Variants in DENND4C observed in about 807,000 individuals in gnomAD.
DENND4C encodes the protein DENN domain containing 4C.
In DENND4C, 108 loss-of-function variants were observed where a neutral mutation model predicts 203.0. The ratio of observed to expected loss-of-function variants is 0.53; its 90% CI spans 0.46 to 0.62. The LOEUF (loss-of-function observed/expected upper bound fraction) is 0.62. DENND4C is among the 20% of genes least tolerant of loss of function. The probability of loss-of-function intolerance (pLI) is 0.00; values close to 1 mark genes in which losing one functional copy is unlikely to be tolerated. For synonymous variants in DENND4C, 871 were observed against 792.4 expected, an observed-to-expected ratio of 1.10 and a Z score of -1.67; for missense variants, 2,481 against 2,301.2, an observed-to-expected ratio of 1.08 and a Z score of -1.60.
intron 1 of DENND4C, among the ~76,000 whole-genome samples, chr9:19,250,326 C>G (rs1032896483): frequency 6.6e-6 from 1 of 152,130 alleles, no homozygotes; most frequent in African/African-American, 2.4e-5. Context: ...CACCTGTAAT[C>G]CCAGCTACAT....
Position 19,326,046 on chromosome 9 carries a change from A to G in DENND4C, c.1990-18A>G, listed in dbSNP as rs1817765635. ...TTGTTTGTATGCAAATTAATTGGGG[A>G]AAAATAATGATTTTCAGGTTGATTT... On this transcript the variant is annotated intron_variant, in intron 14 of 32. Transcript: ENST00000434457. 1.2e-6 allele frequency: 2 copies of G among 1,606,676 alleles called. No homozygotes were observed. Among genetic ancestry groups the G allele is most frequent in the Non-Finnish European group, 1.7e-6 (2 of 1,177,800 alleles).
chr9:19,356,788 T>TGTGAGAGAGAGA (rs1266119304), intron 26 of DENND4C, among the ~76,000 whole-genome samples, 184 bp from the exon 27 acceptor site: 135 of 140,350 alleles, frequency 9.6e-4, no homozygotes, highest in African/African-American at 2.9e-3. Context: ...TGTGTGTGTG[T>TGTGAGAGAGAGA]GAGAGAGAGA....
intron 10 of DENND4C, among the ~76,000 whole-genome samples, chr9:19,310,956 C>T (rs1487833091): frequency 6.6e-6 from 1 of 152,058 alleles, no homozygotes; most frequent in Non-Finnish European, 1.5e-5. Context: ...AAGATAATTG[C>T]ATTGATGTTC....
intron 1 of DENND4C, among the ~76,000 whole-genome samples, chr9:19,237,412 C>T (rs1020991965): frequency 2.0e-5 from 3 of 151,948 alleles, no homozygotes; most frequent in Non-Finnish European, 4.4e-5. Flanking sequence ...AGTGTAGTGG[C>T]GTGATCTCGG....
chr9:19,301,568 T>C (rs1838583420), intron 9 of DENND4C, among the ~76,000 whole-genome samples: 2 of 152,174 alleles, frequency 1.3e-5, no homozygotes, highest in African/African-American at 4.8e-5. Context: ...CTTTTCCAAG[T>C]CATCACAGTT....
chr9:19,245,106 G>A (rs1441453689), intron 1 of DENND4C, among the ~76,000 whole-genome samples: 9 of 152,292 alleles, frequency 5.9e-5, no homozygotes, highest in African/African-American at 1.9e-4. Context: ...TAAATGGGCA[G>A]CTTAAAAAAT....
intron 1 of DENND4C, among the ~76,000 whole-genome samples, chr9:19,239,566 A>G (rs1823160285): frequency 6.6e-6 from 1 of 152,004 alleles, no homozygotes; most frequent in Non-Finnish European, 1.5e-5. Flanking sequence ...TACTCACTGC[A>G]ACCTCCACCT....
At chr9:19,286,651 T>G in intron 2 of DENND4C, 118 bp from the exon 3 acceptor site, 1 of 1,018,524 alleles carries the variant, frequency 9.8e-7, no homozygotes, top group Non-Finnish European at 1.3e-6. Context: ...CAAAAAAATT[T>G]TCTTTGATTT....
At chr9:19,265,278 A>G (rs930837409) in intron 1 of DENND4C, among the ~76,000 whole-genome samples, 2 of 152,028 alleles carry the variant, frequency 1.3e-5, no homozygotes, top group Non-Finnish European at 2.9e-5. Flanking sequence ...TGCTCTCCCA[A>G]AATGCTGGGA....
intron 10 of DENND4C, among the ~76,000 whole-genome samples, chr9:19,307,877 C>A (rs966896975): frequency 6.6e-6 from 1 of 151,898 alleles, no homozygotes; most frequent in African/African-American, 2.4e-5. Context: ...CAGATCCAAC[C>A]ATCATCTTGG....
chr9:19,336,354 G>C lies in DENND4C; in HGVS notation c.2674G>C (p.Ala892Pro). The C allele has an allele frequency of 6.2e-7, 1 of 1,613,968 alleles. No homozygotes were observed. Among genetic ancestry groups the C allele is most frequent in the Non-Finnish European group, 8.5e-7 (1 of 1,179,950 alleles). Residue 892 changes from alanine (A) to proline (P), a missense_variant, in exon 19 of 33, where the codon GCA becomes CCA. Ala to Pro is a conservative substitution (Grantham distance 27). Transcript: ENST00000434457. ...TKVRNVVRGL[A>P]QFRQPLKKTV... is the part of the protein sequence containing the mutation. ...GGTACGGAATGTGGTACGTGGCTTG[G>C]CACAGTTTAGGCAGCCGCTTAAAAA...
Position 19,296,063 on chromosome 9 carries a change from A to T in DENND4C, c.857A>T (p.Glu286Val), listed in dbSNP as rs772868023. ...YEPYSRELLS[E>V]KQLMHLGLLT... ...CCTTACTCTCGGGAACTTCTATCAGAGAAACAGCTTATGCACCTGGGCTTG... is the reference window on the plus strand; with the variant it reads ...CCTTACTCTCGGGAACTTCTATCAGTGAAACAGCTTATGCACCTGGGCTTG... Residue 286 changes from glutamate to valine, a missense_variant, in exon 6 of 33, where the codon GAG (glutamate) becomes GTG (valine). By Grantham distance (121) the Glu-to-Val change is moderately radical. This residue lies in a region of DENND4C where 2,289 missense variants were observed against 2,113.3 expected (regional missense o/e 1.08). Coordinates refer to ENST00000434457, the MANE Select transcript of DENND4C (RefSeq NM_001330640.2). 2.5e-6 allele frequency: 4 copies of T among 1,614,172 alleles called. No homozygotes were observed. In the South Asian group the frequency reaches 4.4e-5, roughly 18 times the overall value.
chr9:19,269,945 G>T (rs1486680160), intron 1 of DENND4C, among the ~76,000 whole-genome samples: 1 of 152,140 alleles, frequency 6.6e-6, no homozygotes, highest in African/African-American at 2.4e-5. Context: ...TTTGATCTAA[G>T]TCCTTGGTCT....
rs1237440744 is a variant in DENND4C, at chr9:19,245,235, G to C, written c.-18+14402G>C. ...TGTAATCCCAGCACTTTGGGAGGCC[G>C]AGGCGGGCAGATCACGAGGTCAGGA... On this transcript the variant is annotated intron_variant, in intron 1 of 32. Coordinates refer to ENST00000434457, the MANE Select transcript of DENND4C (RefSeq NM_001330640.2). 2.6e-5 allele frequency among the ~76,000 whole-genome samples: 4 copies of C among 151,798 alleles called. No homozygotes were observed. In the South Asian group the frequency reaches 8.4e-4, roughly 32 times the overall value.
intron 22 of DENND4C, among the ~76,000 whole-genome samples, chr9:19,343,886 T>C (rs1822223229): frequency 6.6e-6 from 1 of 152,164 alleles, no homozygotes; most frequent in South Asian, 2.1e-4. Flanking sequence ...TAAAAAACAT[T>C]GAATAAAATG....
chr9:19,319,335 T>TATACTTATATACAC (rs1842408201), intron 12 of DENND4C, among the ~76,000 whole-genome samples: 1 of 6,584 alleles, frequency 1.5e-4, no homozygotes, highest in African/African-American at 2.3e-4. Flanking sequence ...TACATATATA[T>TATACTTATATACAC]ACACATATAT....
chr9:19,355,504 A>C (rs968777279), intron 26 of DENND4C, among the ~76,000 whole-genome samples: 3 of 152,262 alleles, frequency 2.0e-5, no homozygotes, highest in African/African-American at 7.2e-5. Context: ...CCTCCATGTA[A>C]CAATCCAGTT....
chr9:19,272,581 C>T (rs1831950845), intron 1 of DENND4C, among the ~76,000 whole-genome samples: 1 of 151,692 alleles, frequency 6.6e-6, no homozygotes, highest in Admixed American at 6.6e-5. Context: ...AACGCAGGGT[C>T]CTTGAAAAAT....
chr9:19,310,803 A>G (rs1166098244), intron 10 of DENND4C, among the ~76,000 whole-genome samples: 1 of 152,184 alleles, frequency 6.6e-6, no homozygotes, highest in Non-Finnish European at 1.5e-5. Context: ...AGGAAAAAAA[A>G]AACCTTTTTG....
Sources: gnomAD v4.1 joint callset for allele counts (sites outside exome capture counted in the v4.1 genomes callset) on GRCh38, gnomAD v4.1.1 for gene constraint, gnomAD v4.1.1 regional missense constraint, MANE v1.5 for transcripts, NCBI Gene and HGNC (gene_info 2026-07-23, HGNC 2026-07-21) for gene names.